The following MED15 variants were observed in gnomAD, a reference collection of about 807,000 sequenced individuals.
MED15 encodes mediator complex subunit 15, also known as mediator of RNA polymerase II transcription subunit 15.
A neutral mutation model predicts 118.7 loss-of-function variants in MED15; 41 were observed. The observed-to-expected ratio is 0.35, with a 90% CI of 0.27 to 0.45. The LOEUF (loss-of-function observed/expected upper bound fraction) is 0.45, where lower values mean the gene tolerates loss of function less well. Ranked by LOEUF, MED15 falls within the 20% of genes least tolerant of loss-of-function variation. The pLI, the probability that MED15 is intolerant of heterozygous loss-of-function variation, is 1.00. For missense variants in MED15, 740 were observed against 1,025.5 expected, an observed-to-expected ratio of 0.72 and a Z score of 3.80; for synonymous variants, 436 against 413.9, an observed-to-expected ratio of 1.05 and a Z score of -0.65.
chr22:20,546,988 A>T (rs1255553749), intron 2 of MED15, among the ~76,000 whole-genome samples: 1 of 151,948 alleles, frequency 6.6e-6, no homozygotes, highest in Non-Finnish European at 1.5e-5. Flanking sequence ...AACAACAAAA[A>T]CCCATAATTT....
intron 1 of MED15, among the ~76,000 whole-genome samples, chr22:20,526,447 A>G (rs564084058): frequency 1.3e-5 from 2 of 152,080 alleles, no homozygotes; most frequent in Admixed American, 6.6e-5. Flanking sequence ...CTCCTCCCTC[A>G]TTCTTCCAGT....
chr22:20,558,535 C>T (rs754684225), intron 5 of MED15, among the ~76,000 whole-genome samples: 3 of 152,102 alleles, frequency 2.0e-5, no homozygotes, highest in Non-Finnish European at 2.9e-5. Context: ...CATGTAAAGC[C>T]GACTTTAAAA....
At chr22:20,575,768 CAA>C (rs61090860) in intron 9 of MED15, among the ~76,000 whole-genome samples, 3 of 146,630 alleles carry the variant, frequency 2.0e-5, no homozygotes, top group South Asian at 2.1e-4. Context: ...ATTTTAAAAA[CAA>C]AAAAAAAACC....
chr22:20,515,675 G>A (rs2054224914), intron 1 of MED15, among the ~76,000 whole-genome samples: 2 of 151,486 alleles, frequency 1.3e-5, no homozygotes, highest in South Asian at 2.1e-4. Context: ...CTGTAGTCCC[G>A]GTGGGGAGGC....
intron 1 of MED15, among the ~76,000 whole-genome samples, chr22:20,513,856 A>G (rs1353018925): frequency 6.6e-6 from 1 of 152,096 alleles, no homozygotes; most frequent in African/African-American, 2.4e-5. Flanking sequence ...AATTGTTAGT[A>G]GCTTCATGTT....
In MED15 at chr22:20,560,776, G is replaced by A. The variant is rs116375745; in HGVS notation, c.452-3674G>A. Among the ~76,000 whole-genome samples, 785 of 152,268 alleles carry A rather than the reference G, an allele frequency of 5.2e-3. 3 individuals carry two copies. The highest frequency in any genetic ancestry group is 0.014 in the African/African-American group (597 of 41,542). The stretch of plus-strand genomic sequence containing the variant: ...AGTGTGTGGAGTAGGTACTATTATT[G>A]CATTTTCTAACAGGGAAAACTAAGG... On this transcript the variant is annotated intron_variant, in intron 5 of 17. Coordinates refer to ENST00000263205, the MANE Select transcript of MED15 (RefSeq NM_001003891.3).
At chr22:20,546,686 T>G (rs995283545) in intron 2 of MED15, among the ~76,000 whole-genome samples, 7 of 152,104 alleles carry the variant, frequency 4.6e-5, no homozygotes, top group Non-Finnish European at 8.8e-5. Flanking sequence ...AGCTCAGGGC[T>G]GTGTATCTGG....
Position 20,533,045 on chromosome 22 carries a change from G to A in MED15, c.69-4072G>A, listed in dbSNP as rs565188453. Among the ~76,000 whole-genome samples the A allele has an allele frequency of 3.3e-5, 5 of 152,248 alleles. No homozygotes were observed. The South Asian group carries it at 6.2e-4, about 19-fold the overall frequency. The stretch of plus-strand genomic sequence containing the variant: ...GACAGAGACTGAGGAGTAGCCATTC[G>A]GGTCTGGCTGCTCAGGAAGGCATGC... On this transcript the variant is annotated intron_variant, in intron 1 of 17. Transcript: ENST00000263205.
At chr22:20,517,958 A>G (rs2054311313) in intron 1 of MED15, among the ~76,000 whole-genome samples, 1 of 146,766 alleles carries the variant, frequency 6.8e-6, no homozygotes, top group African/African-American at 2.6e-5. Flanking sequence ...CCTGATGGTG[A>G]TGAGGGTGCT....
At chr22:20,576,501 G>T (rs1225407252) in intron 9 of MED15, among the ~76,000 whole-genome samples, 5 of 152,254 alleles carry the variant, frequency 3.3e-5, no homozygotes, top group African/African-American at 1.2e-4. Flanking sequence ...GGCATGTTTA[G>T]CTTTTGCCTT....
intron 2 of MED15, among the ~76,000 whole-genome samples, chr22:20,540,154 A>G (rs529645411): frequency 2.6e-5 from 4 of 152,150 alleles, no homozygotes; most frequent in East Asian, 3.9e-4. Context: ...CTCTCATAAG[A>G]GGTTTACCCA....
At chr22:20,508,108 G>A in intron 1 of MED15, 10 of 1,263,708 alleles carry the variant, frequency 7.9e-6, no homozygotes, top group Non-Finnish European at 1.0e-5. Context: ...AGCAGGGCTG[G>A]GTGCTTCATG....
chr22:20,583,150 C>T lies in MED15; in HGVS notation c.1575C>T (p.Ser525=), dbSNP rs750408298. The T allele has an allele frequency of 6.2e-7, 1 of 1,607,324 alleles. No homozygotes were observed. The highest frequency in any genetic ancestry group is 1.1e-5 in the South Asian group (1 of 90,902). ...CTGTCATGAGCCCAGCTGGCTCCAG[C>T]CAGGCTGAGGAGCAGCAGTACCTGG... ...PSSVMSPAGS[S]QAEEQQYLDK... The change falls in exon 12 of 18, where the codon AGC becomes AGT. Residue 525 remains serine, a synonymous_variant. Coordinates refer to ENST00000263205, the MANE Select transcript of MED15 (RefSeq NM_001003891.3).
chr22:20,541,954 C>G (rs538118525), intron 2 of MED15, among the ~76,000 whole-genome samples: 1 of 151,920 alleles, frequency 6.6e-6, no homozygotes, highest in Non-Finnish European at 1.5e-5. Context: ...AGCCAATGCC[C>G]GGCTAACTTT....
At chr22:20,570,983 C>G (rs867517140) in intron 8 of MED15, among the ~76,000 whole-genome samples, 2 of 152,004 alleles carry the variant, frequency 1.3e-5, no homozygotes, top group African/African-American at 4.8e-5. Flanking sequence ...TGGTCTTAAG[C>G]TCCTGACTTC....
chr22:20,532,377 C>T (rs2054894635), intron 1 of MED15, among the ~76,000 whole-genome samples: 1 of 152,168 alleles, frequency 6.6e-6, no homozygotes, highest in African/African-American at 2.4e-5. Flanking sequence ...GCCATTAAGA[C>T]ACACTGTGTT....
At chr22:20,540,528 T>C (rs1870546883) in intron 2 of MED15, among the ~76,000 whole-genome samples, 1 of 152,132 alleles carries the variant, frequency 6.6e-6, no homozygotes, top group South Asian at 2.1e-4. Context: ...AAGCTATGAT[T>C]GTACCAACAT....
rs2057131015 is a variant in MED15 at position 20,586,204 on chromosome 22, C to T, written c.2231-364C>T. On this transcript the variant is annotated intron_variant, in intron 17 of 17. Coordinates refer to ENST00000263205, the MANE Select transcript of MED15 (RefSeq NM_001003891.3). The stretch of plus-strand genomic sequence containing the variant: ...CAGGGCTGCCAGGTTCCACTGGTAG[C>T]TTGGGCACACAGGGCCCAATCTGGG... Among the ~76,000 whole-genome samples the T allele has an allele frequency of 3.3e-5, 5 of 152,220 alleles. No individual in the cohort carries two copies. The South Asian group carries it at 1.0e-3, about 31-fold the overall frequency.
intron 5 of MED15, among the ~76,000 whole-genome samples, chr22:20,556,793 A>G (rs564100168): frequency 4.6e-5 from 7 of 152,194 alleles, no homozygotes; most frequent in East Asian, 1.9e-4. Flanking sequence ...AGCAGTGACA[A>G]TTGCTGATCT....
Sources: gnomAD v4.1 joint callset for allele counts (sites outside exome capture counted in the v4.1 genomes callset) on GRCh38, gnomAD v4.1.1 for gene constraint, MANE v1.5 for transcripts, NCBI Gene and HGNC (gene_info 2026-07-23, HGNC 2026-07-21) for gene names.